The following DYNC2I2 variants were observed in gnomAD, a reference collection of about 807,000 sequenced individuals.
DYNC2I2 encodes the protein dynein 2 intermediate chain 2.
In DYNC2I2, 39 loss-of-function variants were observed where a neutral mutation model predicts 52.0. The ratio of observed to expected loss-of-function variants is 0.75; its 90% CI spans 0.58 to 0.98. The LOEUF (loss-of-function observed/expected upper bound fraction) is 0.98. Among genes scored for constraint, DYNC2I2 ranks in the 50% least tolerant of loss-of-function variants. The pLI is 0.00. For synonymous variants in DYNC2I2, 359 were observed against 321.1 expected (o/e 1.12, Z -1.26); for missense variants, 743 against 728.4 (o/e 1.02, Z -0.23).
At chr9:128,657,408 T>A (rs959918793), upstream of DYNC2I2, among the ~76,000 whole-genome samples, 1 of 152,032 alleles carries the variant, frequency 6.6e-6, no homozygotes, top group Non-Finnish European at 1.5e-5. Flanking sequence ...AGGAAAGAAT[T>A]GCTTTTTATA....
At chr9:128,672,314 A>G in the DYNC2I2 span, among the ~76,000 whole-genome samples, 299 of 152,100 alleles carry the variant, frequency 2.0e-3, no homozygotes, top group Non-Finnish European at 3.3e-3. Context: ...CTTGTTGGCC[A>G]GGATGGTCTG....
At chr9:128,644,281 T>G (rs963009015) in intron 1 of DYNC2I2, among the ~76,000 whole-genome samples, 6 of 150,780 alleles carry the variant, frequency 4.0e-5, no homozygotes, top group African/African-American at 1.5e-4. Flanking sequence ...CGGCCTTTTT[T>G]TTTTTTTGAG....
chr9:128,654,622 A>G (rs1860782164), intron 1 of DYNC2I2, among the ~76,000 whole-genome samples: 1 of 152,082 alleles, frequency 6.6e-6, no homozygotes, highest in Non-Finnish European at 1.5e-5. Context: ...CAGTGGTGCA[A>G]TCATAGCTCA....
At position 128,633,958 on chromosome 9, in the gene DYNC2I2, T is replaced by C; in HGVS notation, c.1397A>G (p.Gln466Arg). ...GKGDVQLFDL[Q>R]KSSQKPTVLI... is the part of the protein sequence containing the mutation. Reference sequence around the variant, plus strand: ...AACTGTGGGTTTCTGGGAGCTTTTCTGGAGATCAAACAGCTGCACGTCACC... The same window carrying C: ...AACTGTGGGTTTCTGGGAGCTTTTCCGGAGATCAAACAGCTGCACGTCACC... The change falls in exon 9 of 9, where the codon CAG (glutamine) becomes CGG (arginine). Residue 466 changes from glutamine (Q) to arginine (R), a missense_variant. Transcript: ENST00000372715. 6.2e-7 allele frequency: 1 copy of C among 1,613,054 alleles called. No individual in the cohort carries two copies. Among genetic ancestry groups the C allele is most frequent in the African/African-American group, 1.3e-5 (1 of 75,050 alleles).
intron 8 of DYNC2I2, 121 bp from the exon 9 acceptor site, chr9:128,634,103 T>G: frequency 6.4e-7 from 1 of 1,555,430 alleles, no homozygotes; most frequent in African/African-American, 1.4e-5. Flanking sequence ...TGAGTTGGGT[T>G]GCTGGAGGGA....
chr9:128,662,279 G>A, the DYNC2I2 span, among the ~76,000 whole-genome samples: 3 of 151,966 alleles, frequency 2.0e-5, no homozygotes, highest in African/African-American at 4.8e-5. Flanking sequence ...CTCAATCAAT[G>A]GTGGCCATAA....
the DYNC2I2 span, among the ~76,000 whole-genome samples, chr9:128,676,530 GA>G: frequency 2.8e-5 from 2 of 70,460 alleles, no homozygotes; most frequent in Non-Finnish European, 5.3e-5. Flanking sequence ...TTATGTGTTT[GA>G]ATTTTTTTTT....
At chr9:128,641,398 G>C (rs902892498) in intron 1 of DYNC2I2, among the ~76,000 whole-genome samples, 2 of 152,060 alleles carry the variant, frequency 1.3e-5, no homozygotes. Context: ...CCCAGCACCC[G>C]GGTAAGCAAC....
Position 128,639,823 on chromosome 9 carries a change from G to A in DYNC2I2, c.435+868C>T, listed in dbSNP as rs565881763. On this transcript the variant is annotated intron_variant, in intron 2 of 8. Transcript: ENST00000372715. ...TGGAACAACAGGCGTGCACCACCAC[G>A]CCTGGCTAATTTTTGTATTTTTAGT... Among the ~76,000 whole-genome samples the A allele has an allele frequency of 4.2e-4, 63 of 151,446 alleles. 1 individual carries two copies. In the South Asian group the frequency reaches 5.2e-3, roughly 13 times the overall value.
the DYNC2I2 span, among the ~76,000 whole-genome samples, chr9:128,677,767 C>A: frequency 6.6e-6 from 1 of 152,078 alleles, no homozygotes; most frequent in Non-Finnish European, 1.5e-5. Context: ...AAGATCGCGC[C>A]ACTGCACTCC....
chr9:128,653,907 A>T (rs1860767805), intron 1 of DYNC2I2, among the ~76,000 whole-genome samples: 1 of 152,138 alleles, frequency 6.6e-6, no homozygotes, highest in Admixed American at 6.6e-5. Context: ...GCTACTGGGG[A>T]GGCTGAGGCA....
intron 1 of DYNC2I2, among the ~76,000 whole-genome samples, chr9:128,654,478 A>G (rs1860779053): frequency 6.6e-6 from 1 of 150,590 alleles, no homozygotes; most frequent in African/African-American, 2.4e-5. Context: ...ACCTGGGACC[A>G]CTCTTCCCCA....
the DYNC2I2 span, among the ~76,000 whole-genome samples, chr9:128,682,269 C>T: frequency 2.6e-5 from 4 of 151,874 alleles, no homozygotes; most frequent in South Asian, 2.1e-4. Context: ...AGGACGATCT[C>T]GATCTCCTGA....
the DYNC2I2 span, among the ~76,000 whole-genome samples, chr9:128,663,933 G>A: frequency 6.8e-6 from 1 of 146,900 alleles, no homozygotes; most frequent in Non-Finnish European, 1.5e-5. Context: ...AATTACAAGT[G>A]TGAGCTACTG....
chr9:128,636,852 A>G, intron 3 of DYNC2I2, 66 bp downstream of exon 3: 1 of 1,265,972 alleles, frequency 7.9e-7, no homozygotes, highest in Non-Finnish European at 1.1e-6. Flanking sequence ...GTGCAGCTAC[A>G]GAGACAAGGC....
At position 128,640,789 on chromosome 9, in the gene DYNC2I2, G is replaced by C. The variant is rs199920288; in HGVS notation, c.337C>G (p.Arg113Gly). 13 of 1,614,040 alleles carry C rather than the reference G, an allele frequency of 8.1e-6. No homozygotes were observed. The South Asian group carries it at 1.1e-4, about 14-fold the overall frequency. ...CGGATGACCATGGCCTCCACTCTCCGAAGAAAGGCTGCGAGCCTGGGTATG... is the reference window on the plus strand; with the variant it reads ...CGGATGACCATGGCCTCCACTCTCCCAAGAAAGGCTGCGAGCCTGGGTATG... Reference protein sequence around the residue: ...YDIPRLAAFLRRVEAMVIREL... With the variant: ...YDIPRLAAFLGRVEAMVIREL... Residue 113 changes from arginine (R) to glycine (G), a missense_variant, in exon 2 of 9, where the codon CGG (arginine) becomes GGG (glycine). By Grantham distance (125) the Arg-to-Gly change is moderately radical. Transcript: ENST00000372715.
At chr9:128,652,708 T>C (rs1262891117) in intron 1 of DYNC2I2, among the ~76,000 whole-genome samples, 1 of 146,552 alleles carries the variant, frequency 6.8e-6, no homozygotes, top group African/African-American at 2.6e-5. Context: ...TCACCTGAGG[T>C]CGGGAGTTCG....
chr9:128,635,255 A>C lies in DYNC2I2; in HGVS notation c.818T>G (p.Val273Gly). ...GCTGTGCCCAGGCTCGGGCAGCCAC[A>C]CCACCTGAGTTAACAGCATGCAGGG... The part of the protein sequence containing the change: ...DTHTDPVSQV[V>G]WLPEPGHSHR... The change falls in exon 6 of 9, where the codon GTG becomes GGG. Residue 273 changes from valine (V) to glycine (G), a missense_variant. Val to Gly is a moderately radical substitution (Grantham distance 109, BLOSUM62 -3). Coordinates refer to ENST00000372715, the MANE Select transcript of DYNC2I2 (RefSeq NM_052844.4). The C allele has an allele frequency of 6.2e-7, 1 of 1,612,628 alleles. No individual in the cohort carries two copies. Among genetic ancestry groups the C allele is most frequent in the Non-Finnish European group, 8.5e-7 (1 of 1,179,764 alleles).
the DYNC2I2 span, among the ~76,000 whole-genome samples, chr9:128,677,087 A>G: frequency 6.6e-6 from 1 of 151,914 alleles, no homozygotes; most frequent in South Asian, 2.1e-4. Flanking sequence ...TGACCTCGTG[A>G]TCCACCTGCC....
Sources: gnomAD v4.1 joint callset for allele counts (sites outside exome capture counted in the v4.1 genomes callset) on GRCh38, gnomAD v4.1.1 for gene constraint, MANE v1.5 for transcripts, NCBI Gene and HGNC (gene_info 2026-07-23, HGNC 2026-07-21) for gene names.